ONECUT3: variants seen among roughly 807,000 people sequenced by gnomAD.
ONECUT3 encodes one cut homeobox 3, also known as one cut domain family member 3.
A neutral mutation model predicts 16.8 loss-of-function variants in ONECUT3; 11 were observed. The observed-to-expected ratio is 0.66, with a 90% CI of 0.41 to 1.09. ONECUT3 has a LOEUF of 1.09. Among genes scored for constraint, ONECUT3 ranks in the 50% least tolerant of loss-of-function variants. The pLI is 0.00. For synonymous variants in ONECUT3, 344 were observed against 310.7 expected (o/e 1.11, Z -1.13); for missense variants, 637 against 629.9 (o/e 1.01, Z -0.12).
rs1378889317 is a variant in ONECUT3 at position 1,755,265 on chromosome 19, G to C, written c.1192+411G>C. On this transcript the variant is annotated intron_variant, in intron 1 of 1. Coordinates refer to ENST00000382349, the MANE Select transcript of ONECUT3 (RefSeq NM_001080488.2). This position sits in a 1 kb window ranked among gnomAD's most constrained non-coding sequence, Gnocchi z 7.5. ...GAACGAGCTGCTGTTGTCGGCTAAG[G>C]TGCCACTCCCCTCCTCCAGAGTGGG... Among the ~76,000 whole-genome samples the C allele has an allele frequency of 6.6e-6, 1 of 151,950 alleles. No individual in the cohort carries two copies. The highest frequency in any genetic ancestry group is 1.5e-5 in the Non-Finnish European group (1 of 67,988).
Position 1,759,353 on chromosome 19 carries a change from A to C in ONECUT3, c.1192+4499A>C, listed in dbSNP as rs1638992006. Among the ~76,000 whole-genome samples the C allele has an allele frequency of 7.0e-6, 1 of 143,700 alleles. No homozygotes were observed. The highest frequency in any genetic ancestry group is 2.6e-5 in the African/African-American group (1 of 38,824). 94.3% of individuals were successfully genotyped at this position (143,700 alleles called of 152,430 possible). The stretch of plus-strand genomic sequence containing the variant: ...CTTCTCCCCCCTACCCGCTGCCACC[A>C]TCAAGGGCTGAGGTTGAAATGGGCG... On this transcript the variant is annotated intron_variant, in intron 1 of 1. Transcript: ENST00000382349. The surrounding 1 kb of genome is among the most constrained non-coding windows in gnomAD (Gnocchi z 4.1).
chr19:1,772,328 A>T (rs1053523598), intron 1 of ONECUT3, among the ~76,000 whole-genome samples: 5 of 151,400 alleles, frequency 3.3e-5, no homozygotes, highest in African/African-American at 2.4e-5. Flanking sequence ...ATTTATATTT[A>T]AAAATTATTT....
chr19:1,765,498 C>T (rs1402451721), intron 1 of ONECUT3, among the ~76,000 whole-genome samples: 1 of 152,194 alleles, frequency 6.6e-6, no homozygotes, highest in Non-Finnish European at 1.5e-5. Flanking sequence ...GAGCTGGCCT[C>T]CTCATTGGGG....
rs2068135199 is a variant in ONECUT3, at chr19:1,779,006, C to T, written c.*3561C>T. 6.6e-6 allele frequency: 1 copy of T among 152,314 alleles called. No homozygotes were observed. Among genetic ancestry groups the T allele is most frequent in the Non-Finnish European group, 1.5e-5 (1 of 68,148 alleles). 9.4% of individuals were successfully genotyped at this position (152,314 alleles called of 1,614,324 possible). On this transcript the variant is annotated 3_prime_UTR_variant, in exon 2 of 2. Coordinates refer to ENST00000382349, the MANE Select transcript of ONECUT3 (RefSeq NM_001080488.2). ...GCCCGCCGGCCCCTCAGGCCCTCTC[C>T]TGCCTCCCCGCATGCCCACTTGGCT...
Position 1,753,980 on chromosome 19 carries a change from G to A in ONECUT3, c.318G>A (p.Thr106=). Residue 106 remains threonine, a synonymous_variant, in exon 1 of 2, where the codon ACG becomes ACA. Transcript: ENST00000382349. ...CEAPGLGGTY[T]TLTPLQHLPP... is the part of the protein sequence containing the mutation. Reference sequence around the variant, plus strand: ...CGCCGGGCCTGGGCGGCACCTACACGACGCTCACGCCCCTGCAGCACCTGC... The same window carrying A: ...CGCCGGGCCTGGGCGGCACCTACACAACGCTCACGCCCCTGCAGCACCTGC... 1 of 995,090 alleles carries A rather than the reference G, an allele frequency of 1.0e-6. No individual in the cohort carries two copies. Among genetic ancestry groups the A allele is most frequent in the Non-Finnish European group, 1.2e-6 (1 of 837,516 alleles). The allele number at this position is 995,090 out of a possible 1,614,324, so 61.6% of individuals were successfully genotyped here. A position where few individuals can be genotyped will look rare whatever the true frequency, so the allele number is the denominator to read the frequency against.
intron 1 of ONECUT3, among the ~76,000 whole-genome samples, chr19:1,772,220 C>G (rs1485970845): frequency 6.6e-6 from 1 of 151,896 alleles, no homozygotes; most frequent in Non-Finnish European, 1.5e-5. Flanking sequence ...ATCATGTTGA[C>G]CAGGCTGGTC....
Position 1,775,210 on chromosome 19 carries a change from A to G in ONECUT3, c.1250A>G (p.Gln417Arg). The change falls in exon 2 of 2, where the codon CAG becomes CGG. Residue 417 changes from glutamine (Q) to arginine (R), a missense_variant. By Grantham distance (43) the Gln-to-Arg change is conservative (BLOSUM62 1). Coordinates refer to ENST00000382349, the MANE Select transcript of ONECUT3 (RefSeq NM_001080488.2). The stretch of plus-strand genomic sequence containing the variant: ...GAGCGCGCCCTGCAGCCCAAGAAGC[A>G]GCGCCTGGTGTTCACCGACCTGCAG... ...QKERALQPKK[Q>R]RLVFTDLQRR... 1 of 1,561,134 alleles carries G rather than the reference A, an allele frequency of 6.4e-7. No homozygotes were observed. The highest frequency in any genetic ancestry group is 8.7e-7 in the Non-Finnish European group (1 of 1,154,188).
chr19:1,758,782 G>C lies in ONECUT3; in HGVS notation c.1192+3928G>C, dbSNP rs2067931335. On this transcript the variant is annotated intron_variant, in intron 1 of 1. Transcript: ENST00000382349. The surrounding 1 kb of genome is among the most constrained non-coding windows in gnomAD (Gnocchi z 5.9). ...GAGGGGCTGGGGGAGGGGCGGGCGG[G>C]CTCCTCGGCGGGGGTGGGGGCGGTC... Among the ~76,000 whole-genome samples the C allele has an allele frequency of 7.0e-6, 1 of 143,240 alleles. No homozygotes were observed. The highest frequency in any genetic ancestry group is 2.3e-4 in the South Asian group (1 of 4,298). 94.0% of individuals were successfully genotyped at this position (143,240 alleles called of 152,430 possible). A position where few individuals can be genotyped will look rare whatever the true frequency, so the allele number is the denominator to read the frequency against.
chr19:1,761,837 G>A (rs10421556), intron 1 of ONECUT3, among the ~76,000 whole-genome samples: 5,248 of 152,246 alleles, frequency 0.034, 311 homozygotes, highest in African/African-American at 0.12. Context: ...CTGAGAAACC[G>A]GCACCCCTCC....
chr19:1,754,947 G>C lies in ONECUT3; in HGVS notation c.1192+93G>C. On this transcript the variant is annotated intron_variant, in intron 1 of 1. Coordinates refer to ENST00000382349, the MANE Select transcript of ONECUT3 (RefSeq NM_001080488.2). The surrounding 1 kb of genome is among the most constrained non-coding windows in gnomAD (Gnocchi z 7.4). ...GCGGCGGCCGATGCCCGGGGCCAGC[G>C]CCCCAAGCCCCGCCCGTGCGCCCCG... 9.4e-6 allele frequency: 12 copies of C among 1,272,684 alleles called. No individual in the cohort carries two copies. The highest frequency in any genetic ancestry group is 1.2e-5 in the Non-Finnish European group (12 of 1,008,152). 78.8% of individuals were successfully genotyped at this position (1,272,684 alleles called of 1,614,324 possible).
rs1382043291 is a variant in ONECUT3, at chr19:1,762,428, C to G, written c.1192+7574C>G. ...GCAGGGGTCCACGCATTTCCAAGCG[C>G]CCTTTCCCGTCCAAGGACCTGCTGG... On this transcript the variant is annotated intron_variant, in intron 1 of 1. Transcript: ENST00000382349. The surrounding 1 kb of genome is among the most constrained non-coding windows in gnomAD (Gnocchi z 4.4). Among the ~76,000 whole-genome samples the G allele has an allele frequency of 6.6e-6, 1 of 152,250 alleles. No individual in the cohort carries two copies. Among genetic ancestry groups the G allele is most frequent in the Non-Finnish European group, 1.5e-5 (1 of 68,038 alleles).
chr19:1,763,736 T>TTG (rs976922818), intron 1 of ONECUT3, among the ~76,000 whole-genome samples: 20 of 147,996 alleles, frequency 1.4e-4, no homozygotes, highest in Non-Finnish European at 2.2e-4. Context: ...TTTTTTGTTT[T>TTG]TTTTTTTTTT....
chr19:1,766,555 A>G lies in ONECUT3; in HGVS notation c.1193-8598A>G, dbSNP rs1440466881. On this transcript the variant is annotated intron_variant, in intron 1 of 1. Transcript: ENST00000382349. The surrounding 1 kb of genome is among the most constrained non-coding windows in gnomAD (Gnocchi z 4.0). ...AGGAAAGGGAGGAAAAGAAAAGAGC[A>G]GAGAGGGGAGAGGGAGGGAGGGTGA... Among the ~76,000 whole-genome samples the G allele has an allele frequency of 6.8e-6, 1 of 147,658 alleles. No homozygotes were observed. The highest frequency in any genetic ancestry group is 2.5e-5 in the African/African-American group (1 of 39,726).
rs961959695 is a variant in ONECUT3, at chr19:1,758,902, A to G, written c.1192+4048A>G. Among the ~76,000 whole-genome samples, 3 of 152,234 alleles carry G rather than the reference A, an allele frequency of 2.0e-5. No homozygotes were observed. Among genetic ancestry groups the G allele is most frequent in the Non-Finnish European group, 2.9e-5 (2 of 68,044 alleles). On this transcript the variant is annotated intron_variant, in intron 1 of 1. Coordinates refer to ENST00000382349, the MANE Select transcript of ONECUT3 (RefSeq NM_001080488.2). This position sits in a 1 kb window ranked among gnomAD's most constrained non-coding sequence, Gnocchi z 5.9. ...TTGTTTAAATTGCAACTCCGGAGGA[A>G]AAGTATTTTTTGTAACTGATCAGAA...
In ONECUT3 at chr19:1,772,686, C is replaced by CTTTTTTT. The variant is rs201848533; in HGVS notation, c.1193-2449_1193-2443dup. ...CATTTTCTGGGATATCTGCTTTACT[C>CTTTTTTT]TTTTTTTTTTTTTTTTTTTTTTTTG... On this transcript the variant is annotated intron_variant, in intron 1 of 1. Coordinates refer to ENST00000382349, the MANE Select transcript of ONECUT3 (RefSeq NM_001080488.2). 3.3e-3 allele frequency among the ~76,000 whole-genome samples: 209 copies of CTTTTTTT among 63,996 alleles called. 1 individual carries two copies. Among genetic ancestry groups the CTTTTTTT allele is most frequent in the East Asian group, 4.1e-3 (10 of 2,458 alleles). The allele number at this position is 63,996 out of a possible 152,430, so 42.0% of individuals were successfully genotyped here.
In ONECUT3 at chr19:1,779,537, A is replaced by C. The variant is rs1158417063; in HGVS notation, c.*4092A>C. 5 of 151,544 alleles carry C rather than the reference A, an allele frequency of 3.3e-5. No homozygotes were observed. The highest frequency in any genetic ancestry group is 7.4e-5 in the Non-Finnish European group (5 of 67,942). 9.4% of individuals were successfully genotyped at this position (151,544 alleles called of 1,614,324 possible). A position where few individuals can be genotyped will look rare whatever the true frequency, so the allele number is the denominator to read the frequency against. On this transcript the variant is annotated 3_prime_UTR_variant, in exon 2 of 2. Transcript: ENST00000382349. ...GTCATGTCTTATAAGAGTATTTATT[A>C]TTCTCTGTGTTCTGTGTTCAAATGT...
rs892282213 is a variant in ONECUT3, at chr19:1,778,311, C to T, written c.*2866C>T. The T allele has an allele frequency of 6.6e-6, 1 of 152,106 alleles. No homozygotes were observed. The highest frequency in any genetic ancestry group is 2.4e-5 in the African/African-American group (1 of 41,388). 9.4% of individuals were successfully genotyped at this position (152,106 alleles called of 1,614,324 possible). A position where few individuals can be genotyped will look rare whatever the true frequency, so the allele number is the denominator to read the frequency against. ...AGATATGGGGTCTCACTATGCTGCCCAGGCTGGTCTTGAACTCCTGGCCCC... is the reference window on the plus strand; with the variant it reads ...AGATATGGGGTCTCACTATGCTGCCTAGGCTGGTCTTGAACTCCTGGCCCC... On this transcript the variant is annotated 3_prime_UTR_variant, in exon 2 of 2. Transcript: ENST00000382349.
intron 1 of ONECUT3, among the ~76,000 whole-genome samples, chr19:1,763,538 C>T (rs1449400625): frequency 6.6e-6 from 1 of 151,676 alleles, no homozygotes; most frequent in African/African-American, 2.4e-5. Context: ...ACAGGCTGAC[C>T]CTGTCTCAAA....
chr19:1,774,562 T>C (rs571113548), intron 1 of ONECUT3, among the ~76,000 whole-genome samples: 10 of 152,294 alleles, frequency 6.6e-5, no homozygotes, highest in African/African-American at 2.2e-4. Flanking sequence ...AAAACTCTCA[T>C]GTGCAGTTTC....
Sources: allele counts gnomAD v4.1 joint callset (sites outside exome capture counted in the v4.1 genomes callset), GRCh38; gene constraint gnomAD v4.1.1; non-coding constraint Gnocchi (gnomAD v3.1); transcripts MANE v1.5; gene names NCBI Gene and HGNC (gene_info 2026-07-23, HGNC 2026-07-21).